The following MGMT variants were observed in gnomAD, a reference collection of about 807,000 sequenced individuals.
MGMT encodes the protein methylated-DNA--protein-cysteine methyltransferase.
Under a neutral mutation model 15.9 loss-of-function variants are expected in MGMT, and 14 were observed. The ratio of observed to expected loss-of-function variants is 0.88; its 90% CI spans 0.58 to 1.37. MGMT has a LOEUF of 1.37. Among genes scored for constraint, MGMT ranks in the 40% most tolerant of loss-of-function variants. The pLI is 0.00. For missense variants in MGMT, 282 were observed against 268.1 expected (o/e 1.05, Z -0.36); for synonymous variants, 130 against 118.2 (o/e 1.10, Z -0.65).
At chr10:129,637,678 A>G (rs1009550455) in intron 2 of MGMT, among the ~76,000 whole-genome samples, 1 of 152,086 alleles carries the variant, frequency 6.6e-6, no homozygotes, top group African/African-American at 2.4e-5. Context: ...ACTTAAAGTT[A>G]AATTGGGGTT....
At chr10:129,518,167 A>G (rs897806382) in intron 1 of MGMT, among the ~76,000 whole-genome samples, 1 of 151,928 alleles carries the variant, frequency 6.6e-6, no homozygotes, top group African/African-American at 2.4e-5. Flanking sequence ...TCCTGGCCAG[A>G]TGCTCTGTTT....
intron 2 of MGMT, among the ~76,000 whole-genome samples, chr10:129,674,421 A>G (rs1847761633): frequency 6.6e-6 from 1 of 152,032 alleles, no homozygotes; most frequent in Non-Finnish European, 1.5e-5. Flanking sequence ...CTGGCTTTGC[A>G]CTCCTGCCCC....
intron 2 of MGMT, among the ~76,000 whole-genome samples, chr10:129,565,841 G>T (rs1846348360): frequency 6.6e-6 from 1 of 152,176 alleles, no homozygotes; most frequent in South Asian, 2.1e-4. Flanking sequence ...GCAGTTCATT[G>T]AAATGCCACC....
At chr10:129,646,754 A>ATATTTTTTTTTTTTTTTTTTTTTTTTT in intron 2 of MGMT, among the ~76,000 whole-genome samples, 1 of 86,678 alleles carries the variant, frequency 1.2e-5, no homozygotes, top group Non-Finnish European at 2.6e-5. Flanking sequence ...ATATATATAT[A>ATATTTTTTTTTTTTTTTTTTTTTTTTT]TTTTCAGGGA....
chr10:129,749,661 A>G (rs1848732118), intron 3 of MGMT, among the ~76,000 whole-genome samples: 1 of 152,198 alleles, frequency 6.6e-6, no homozygotes, highest in South Asian at 2.1e-4. Context: ...GCCAGATCAC[A>G]TGGTAAGGCT....
chr10:129,512,862 A>G, intron 1 of MGMT, among the ~76,000 whole-genome samples: 1 of 152,176 alleles, frequency 6.6e-6, no homozygotes, highest in Non-Finnish European at 1.5e-5. Context: ...AACATGAAGC[A>G]TAGAATTCCC....
At chr10:129,633,667 G>A (rs894782597) in intron 2 of MGMT, among the ~76,000 whole-genome samples, 23 of 152,176 alleles carry the variant, frequency 1.5e-4, no homozygotes, top group African/African-American at 5.6e-4. Context: ...CCCCAGATAA[G>A]TAGTGCTGAT....
At chr10:129,629,393 CAT>C (rs1847186184) in intron 2 of MGMT, among the ~76,000 whole-genome samples, 1 of 152,162 alleles carries the variant, frequency 6.6e-6, no homozygotes, top group South Asian at 2.1e-4. Context: ...ATGAGTGTAT[CAT>C]AGAATATTTC....
intron 2 of MGMT, chr10:129,700,319 C>T (rs1366741341): frequency 2.0e-5 from 3 of 152,206 alleles, no homozygotes; most frequent in Non-Finnish European, 2.9e-5. Context: ...TACTCAGTTT[C>T]CTAAAAGAAC....
intron 2 of MGMT, among the ~76,000 whole-genome samples, chr10:129,673,646 A>T (rs917905737): frequency 1.3e-5 from 2 of 152,150 alleles, no homozygotes; most frequent in Non-Finnish European, 2.9e-5. Context: ...CTTGATGCCC[A>T]TTCAGGGGTT....
chr10:129,500,600 T>G (rs1220173080), intron 1 of MGMT, among the ~76,000 whole-genome samples: 1 of 152,166 alleles, frequency 6.6e-6, no homozygotes, highest in African/African-American at 2.4e-5. Context: ...CTGGCTCTGT[T>G]GCCCAGGTGC....
At position 129,533,761 on chromosome 10, in the gene MGMT, C is replaced by T. The variant is rs1172509962; in HGVS notation, c.-12-2480C>T. Among the ~76,000 whole-genome samples, 1 of 152,120 alleles carries T rather than the reference C, an allele frequency of 6.6e-6. No individual in the cohort carries two copies. Among genetic ancestry groups the T allele is most frequent in the Non-Finnish European group, 1.5e-5 (1 of 68,042 alleles). On this transcript the variant is annotated intron_variant, in intron 1 of 4. Transcript: ENST00000651593. This position sits in a 1 kb window ranked among gnomAD's most constrained non-coding sequence, Gnocchi z 4.5. ...TTCAGGGAGCCCTGAGCAGAGCTGC[C>T]AGCATCCTGCCTGAGAAGCAGTGGC...
chr10:129,530,727 G>A (rs1845921622), intron 1 of MGMT, among the ~76,000 whole-genome samples: 1 of 152,214 alleles, frequency 6.6e-6, no homozygotes, highest in Admixed American at 6.5e-5. Flanking sequence ...CAGCAGGACC[G>A]GCCTGGCCAT....
At chr10:129,677,738 C>T (rs2133117492) in intron 2 of MGMT, among the ~76,000 whole-genome samples, 1 of 152,292 alleles carries the variant, frequency 6.6e-6, no homozygotes, top group South Asian at 2.1e-4. Flanking sequence ...ATCGGACTGC[C>T]CCCCACAAAG....
chr10:129,667,718 C>T (rs572737128), intron 2 of MGMT, among the ~76,000 whole-genome samples: 1 of 152,318 alleles, frequency 6.6e-6, no homozygotes, highest in African/African-American at 2.4e-5. Context: ...GATTAGCGCC[C>T]ATTAGCAATG....
chr10:129,553,287 T>C (rs1397378840), intron 2 of MGMT, among the ~76,000 whole-genome samples: 2 of 152,170 alleles, frequency 1.3e-5, no homozygotes, highest in Non-Finnish European at 2.9e-5. Flanking sequence ...TGAAGTGAGA[T>C]AGATGTATCA....
rs376985229 is a variant in MGMT at position 129,759,073 on chromosome 10, C to T, written c.275-129C>T. 7.3e-4 allele frequency: 857 copies of T among 1,170,280 alleles called. 7 individuals carry two copies. In the African/African-American group the frequency reaches 0.011, roughly 15 times the overall value. 72.5% of individuals were successfully genotyped at this position (1,170,280 alleles called of 1,614,324 possible). On this transcript the variant is annotated intron_variant, in intron 3 of 4. Coordinates refer to ENST00000651593, the MANE Select transcript of MGMT (RefSeq NM_002412.5). ...CATGGTGGCAGCAGTGCATGGAGGC[C>T]GTGTTTTAATTGAGTATAATACCTC...
chr10:129,518,648 T>C (rs191208165), intron 1 of MGMT, among the ~76,000 whole-genome samples: 1 of 113,190 alleles, frequency 8.8e-6, no homozygotes, highest in Non-Finnish European at 1.8e-5. Context: ...GAATAGTAAA[T>C]AGATTTTCAC....
At chr10:129,559,960 A>G (rs1410691448) in intron 2 of MGMT, among the ~76,000 whole-genome samples, 1 of 152,232 alleles carries the variant, frequency 6.6e-6, no homozygotes, top group Non-Finnish European at 1.5e-5. Context: ...ACGTGCTCCA[A>G]GATTTACTGT....
Sources: gnomAD v4.1 joint callset for allele counts (sites outside exome capture counted in the v4.1 genomes callset) on GRCh38, gnomAD v4.1.1 for gene constraint, Gnocchi (gnomAD v3.1) non-coding constraint, MANE v1.5 for transcripts, NCBI Gene and HGNC (gene_info 2026-07-23, HGNC 2026-07-21) for gene names.